The following B4GALNT3 variants were observed in gnomAD, a reference collection of about 807,000 sequenced individuals.
The protein encoded by B4GALNT3 is beta-1,4-N-acetyl-galactosaminyltransferase 3.
B4GALNT3 carries 86 observed loss-of-function variants against 120.2 expected under a neutral mutation model. That is an observed-to-expected ratio of 0.72 (90% CI 0.60 to 0.86). The LOEUF is 0.86. Among genes scored for constraint, B4GALNT3 ranks in the 40% least tolerant of loss-of-function variants. The pLI, the probability that B4GALNT3 is intolerant of heterozygous loss-of-function variation, is 0.00. For missense variants in B4GALNT3, 1,167 were observed against 1,298.9 expected, an observed-to-expected ratio of 0.90 and a Z score of 1.56; for synonymous variants, 518 against 510.4, an observed-to-expected ratio of 1.01 and a Z score of -0.20.
At chr12:514,404 A>G (rs542260690) in intron 1 of B4GALNT3, among the ~76,000 whole-genome samples, 47 of 151,670 alleles carry the variant, frequency 3.1e-4, no homozygotes, top group African/African-American at 9.4e-4. Flanking sequence ...TCACCGTGTT[A>G]GCCAGGATGG....
At chr12:545,801 G>GTA (rs1449576383) in intron 6 of B4GALNT3, among the ~76,000 whole-genome samples, 1 of 112,376 alleles carries the variant, frequency 8.9e-6, no homozygotes, top group African/African-American at 4.1e-5. Context: ...GAATGGGGAG[G>GTA]AGCGAGGAGT....
chr12:546,557 T>C, intron 6 of B4GALNT3, 89 bp from the exon 7 acceptor site: 1 of 1,182,432 alleles, frequency 8.5e-7, no homozygotes, highest in Non-Finnish European at 1.2e-6. Flanking sequence ...TCTCACTTCT[T>C]GGTTCTCCTT....
intron 1 of B4GALNT3, among the ~76,000 whole-genome samples, chr12:489,607 A>G (rs1049117861): frequency 6.6e-6 from 1 of 152,246 alleles, no homozygotes; most frequent in African/African-American, 2.4e-5. Flanking sequence ...ATGGAGGAAA[A>G]TATACCATGC....
At chr12:462,622 G>A (rs561678577) in intron 1 of B4GALNT3, among the ~76,000 whole-genome samples, 1 of 151,896 alleles carries the variant, frequency 6.6e-6, no homozygotes, top group South Asian at 2.1e-4. Context: ...CCTTACTCAT[G>A]GTTTTTAACA....
intron 1 of B4GALNT3, among the ~76,000 whole-genome samples, chr12:505,080 G>A (rs760433013): frequency 6.6e-5 from 10 of 152,014 alleles, no homozygotes; most frequent in Admixed American, 2.0e-4. Flanking sequence ...TTTTAGTAGA[G>A]ACAGGGTTTC....
intron 3 of B4GALNT3, 101 bp from the exon 4 acceptor site, chr12:544,238 G>C: frequency 9.2e-7 from 1 of 1,081,248 alleles, no homozygotes; most frequent in South Asian, 1.4e-5. Flanking sequence ...TGGAGCTGAG[G>C]GTCTGGGGCG....
rs1947180528 is a variant in B4GALNT3 at position 558,093 on chromosome 12, AGGGCCTGGATG to A, written c.2607+13_2607+23del. The A allele has an allele frequency of 6.2e-7, 1 of 1,613,518 alleles. No individual in the cohort carries two copies. The highest frequency in any genetic ancestry group is 1.3e-5 in the African/African-American group (1 of 74,908). ...GCTGGCATAGACCTCGTGAAGGTAA[AGGGCCTGGATG>A]GGGCCTGCGAGATGGAATTCAAGGC... On this transcript the variant is annotated splice_donor_region_variant and intron_variant, in intron 17 of 19. Coordinates refer to ENST00000266383, the MANE Select transcript of B4GALNT3 (RefSeq NM_173593.4).
At chr12:470,802 G>A (rs1039527869) in intron 1 of B4GALNT3, among the ~76,000 whole-genome samples, 4 of 152,024 alleles carry the variant, frequency 2.6e-5, no homozygotes, top group Non-Finnish European at 4.4e-5. Flanking sequence ...GCAGTGGCAC[G>A]ATCTCGGCTC....
At position 553,616 on chromosome 12, in the gene B4GALNT3, G is replaced by T. The variant is rs573873637; in HGVS notation, c.1693G>T (p.Val565Leu). Residue 565 changes from valine (V) to leucine (L), a missense_variant, in exon 14 of 20, where the codon GTG becomes TTG. Physicochemically the swap from Val to Leu is conservative, Grantham distance 32. Coordinates refer to ENST00000266383, the MANE Select transcript of B4GALNT3 (RefSeq NM_173593.4). ...SPRKTQWLNQ[V>L]ESYIAEQRRG... ...CAGGAAGACTCAGTGGCTGAACCAG[G>T]TGGAGTCGTACATCGCAGAGCAGAG... 19 of 1,614,038 alleles carry T rather than the reference G, an allele frequency of 1.2e-5. No individual in the cohort carries two copies. Among genetic ancestry groups the T allele is most frequent in the Admixed American group, 5.0e-5 (3 of 60,032 alleles).
Position 552,168 on chromosome 12 carries a change from G to C in B4GALNT3, c.1208+5G>C. Reference sequence around the variant, plus strand: ...AAACGCCTACTACCAAGACCGGTGAGAGACACTGAGTGGGGCAGGAAGGTG... The same window carrying C: ...AAACGCCTACTACCAAGACCGGTGACAGACACTGAGTGGGGCAGGAAGGTG... On this transcript the variant is annotated splice_donor_5th_base_variant and intron_variant, in intron 12 of 19. Transcript: ENST00000266383. The C allele has an allele frequency of 4.4e-6, 7 of 1,594,264 alleles. No individual in the cohort carries two copies. Among genetic ancestry groups the C allele is most frequent in the Non-Finnish European group, 6.0e-6 (7 of 1,162,002 alleles).
intron 1 of B4GALNT3, among the ~76,000 whole-genome samples, chr12:482,160 G>A (rs1413306384): frequency 6.6e-6 from 1 of 152,230 alleles, no homozygotes; most frequent in African/African-American, 2.4e-5. Context: ...AAAGAGGTTT[G>A]TGGTTGGATG....
intron 7 of B4GALNT3, among the ~76,000 whole-genome samples, chr12:547,065 C>T (rs1382204939): frequency 6.6e-6 from 1 of 152,226 alleles, no homozygotes; most frequent in African/African-American, 2.4e-5. Flanking sequence ...CGTCTGGGGA[C>T]ACGAGTCCCT....
chr12:558,003 C>T lies in B4GALNT3; in HGVS notation c.2535-13C>T. 6.2e-7 allele frequency: 1 copy of T among 1,613,870 alleles called. No individual in the cohort carries two copies. Among genetic ancestry groups the T allele is most frequent in the Admixed American group, 1.7e-5 (1 of 60,014 alleles). On this transcript the variant is annotated splice_polypyrimidine_tract_variant and intron_variant, in intron 16 of 19. Coordinates refer to ENST00000266383, the MANE Select transcript of B4GALNT3 (RefSeq NM_173593.4). ...TGAGTCCTGATACGCAGCCCTCTCT[C>T]CCCTTCCTGCAGCTACCAGTACGTG...
intron 1 of B4GALNT3, among the ~76,000 whole-genome samples, chr12:485,524 C>T (rs1228205166): frequency 1.3e-5 from 2 of 152,108 alleles, no homozygotes; most frequent in Admixed American, 6.5e-5. Flanking sequence ...GAAACCAAGA[C>T]CCAGAAATAT....
intron 1 of B4GALNT3, among the ~76,000 whole-genome samples, chr12:496,810 T>G (rs1415322505): frequency 6.6e-6 from 1 of 152,208 alleles, no homozygotes; most frequent in African/African-American, 2.4e-5. Flanking sequence ...CAGTCTTGTG[T>G]GTGGCTTCTT....
rs148022658 is a variant in B4GALNT3, at chr12:471,026, G to A, written c.169+10481G>A. Reference sequence around the variant, plus strand: ...TTACAGGCGTGAGCCACCGTGCCCAGTGTAGTGACTGTATTTTTCATATCT... The same window carrying A: ...TTACAGGCGTGAGCCACCGTGCCCAATGTAGTGACTGTATTTTTCATATCT... On this transcript the variant is annotated intron_variant, in intron 1 of 19. Transcript: ENST00000266383. Among the ~76,000 whole-genome samples the A allele has an allele frequency of 4.6e-5, 7 of 151,920 alleles. No individual in the cohort carries two copies. The East Asian group carries it at 1.4e-3, about 30-fold the overall frequency.
intron 14 of B4GALNT3, among the ~76,000 whole-genome samples, chr12:554,596 C>A (rs971287377): frequency 6.6e-6 from 1 of 150,824 alleles, no homozygotes; most frequent in African/African-American, 2.4e-5. Flanking sequence ...CGAGACCATC[C>A]TGGCTAACAC....
chr12:543,233 G>A, intron 3 of B4GALNT3: 1 of 1,276,508 alleles, frequency 7.8e-7, no homozygotes, highest in Non-Finnish European at 1.0e-6. Flanking sequence ...TGGGTGCTGG[G>A]CTGGGAATGG....
At chr12:535,391 C>T in intron 2 of B4GALNT3, 122 bp downstream of exon 2, 2 of 751,120 alleles carry the variant, frequency 2.7e-6, no homozygotes, top group South Asian at 3.6e-5. Context: ...GATAAACAGC[C>T]CCCAGAGTCC....
Sources: gnomAD v4.1 joint callset for allele counts (sites outside exome capture counted in the v4.1 genomes callset) on GRCh38, gnomAD v4.1.1 for gene constraint, MANE v1.5 for transcripts, NCBI Gene and HGNC (gene_info 2026-07-23, HGNC 2026-07-21) for gene names.